Variants in CDH12 observed in about 807,000 individuals in gnomAD.
CDH12 encodes cadherin 12.
In CDH12, 41 loss-of-function variants were observed where a neutral mutation model predicts 74.1. That is an observed-to-expected ratio of 0.55 (90% CI 0.43 to 0.72). CDH12 has a LOEUF of 0.72. Ranked by LOEUF, CDH12 falls within the 30% of genes least tolerant of loss-of-function variation. CDH12 has a pLI of 0.00. For synonymous variants in CDH12, 399 were observed against 355.0 expected (o/e 1.12, Z -1.39); for missense variants, 945 against 977.2 (o/e 0.97, Z 0.44).
chr5:22,191,162 T>G (rs935311448), intron 4 of CDH12, among the ~76,000 whole-genome samples: 11 of 152,018 alleles, frequency 7.2e-5, no homozygotes, highest in Admixed American at 1.3e-4. Flanking sequence ...ACGCTTCCCT[T>G]TGCCTAGAAC....
intron 2 of CDH12, among the ~76,000 whole-genome samples, chr5:22,420,544 G>A (rs111395092): frequency 0.011 from 1,747 of 152,114 alleles, 26 homozygotes; most frequent in African/African-American, 0.04. Context: ...GTCTGTTTTT[G>A]TACCAGCACC....
intron 3 of CDH12, among the ~76,000 whole-genome samples, chr5:22,388,492 A>T (rs1742096718): frequency 6.6e-6 from 1 of 152,130 alleles, no homozygotes; most frequent in Non-Finnish European, 1.5e-5. Context: ...TCATATTAAG[A>T]CCTAACAAGG....
At chr5:22,136,243 T>C (rs1449986850) in intron 4 of CDH12, among the ~76,000 whole-genome samples, 1 of 151,786 alleles carries the variant, frequency 6.6e-6, no homozygotes, top group Non-Finnish European at 1.5e-5. Flanking sequence ...TCAACAAACA[T>C]TTTGGAAGGT....
At chr5:22,682,165 G>A (rs182238484) in intron 1 of CDH12, among the ~76,000 whole-genome samples, 1 of 152,036 alleles carries the variant, frequency 6.6e-6, no homozygotes, top group African/African-American at 2.4e-5. Flanking sequence ...GCTAGAACTT[G>A]TTCAATAGGA....
At chr5:22,124,389 G>T (rs1307366212) in intron 4 of CDH12, among the ~76,000 whole-genome samples, 1 of 152,098 alleles carries the variant, frequency 6.6e-6, no homozygotes, top group Non-Finnish European at 1.5e-5. Flanking sequence ...CTCCCAAAGT[G>T]CTGGGATTAC....
chr5:22,639,094 C>G (rs1739001684), intron 1 of CDH12: 1 of 133,298 alleles, frequency 7.5e-6, no homozygotes, highest in Non-Finnish European at 1.6e-5. Flanking sequence ...AAAAAGAATG[C>G]CTGGAGAAGC....
At chr5:22,498,599 C>G (rs1329061494) in intron 2 of CDH12, among the ~76,000 whole-genome samples, 1 of 151,672 alleles carries the variant, frequency 6.6e-6, no homozygotes, top group African/African-American at 2.4e-5. Context: ...TGTCTGTTTA[C>G]AAACATATTT....
chr5:22,483,748 C>CTATATATATATATATATATA (rs573933210), intron 2 of CDH12, among the ~76,000 whole-genome samples: 490 of 22,708 alleles, frequency 0.022, 154 homozygotes, highest in South Asian at 0.047. Context: ...TCTTTCAAAA[C>CTATATATATATATATATATA]TATATATATA....
intron 3 of CDH12, among the ~76,000 whole-genome samples, chr5:22,259,086 C>T (rs141701275): frequency 6.6e-6 from 1 of 152,188 alleles, no homozygotes; most frequent in Admixed American, 6.5e-5. Context: ...TTTATACCAA[C>T]AGCATAAATT....
chr5:21,814,496 G>A (rs1290478342), intron 9 of CDH12, among the ~76,000 whole-genome samples: 2 of 151,444 alleles, frequency 1.3e-5, no homozygotes, highest in African/African-American at 4.8e-5. Flanking sequence ...TTTTTCAACT[G>A]TTTTAAAAAT....
At chr5:21,753,343 C>T (rs939465663) in intron 14 of CDH12, among the ~76,000 whole-genome samples, 10 of 152,240 alleles carry the variant, frequency 6.6e-5, no homozygotes, top group East Asian at 1.9e-4. Context: ...CCTTGGGAGA[C>T]GTTTAGCACC....
intron 1 of CDH12, among the ~76,000 whole-genome samples, chr5:22,509,644 T>A (rs999461810): frequency 6.6e-6 from 1 of 152,126 alleles, no homozygotes; most frequent in Non-Finnish European, 1.5e-5. Flanking sequence ...GAACTAATAA[T>A]GAGCTGCTTA....
intron 5 of CDH12, among the ~76,000 whole-genome samples, chr5:22,034,995 G>A (rs543574256): frequency 4.1e-4 from 63 of 152,242 alleles, no homozygotes; most frequent in Admixed American, 1.4e-3. Context: ...TCTCATCAAC[G>A]TTATAATGAA....
At chr5:22,756,098 GAAAAAAAA>G (rs60067455) in intron 1 of CDH12, among the ~76,000 whole-genome samples, 2 of 87,338 alleles carry the variant, frequency 2.3e-5, no homozygotes, top group Admixed American at 2.7e-4. Flanking sequence ...TTCAAGGACC[GAAAAAAAA>G]AAAAAAAAAA....
intron 1 of CDH12, among the ~76,000 whole-genome samples, chr5:22,840,180 G>T (rs951691641): frequency 6.6e-6 from 1 of 152,272 alleles, no homozygotes; most frequent in East Asian, 1.9e-4. Flanking sequence ...GAGTGCGGTT[G>T]CACGATCTTG....
chr5:22,652,179 G>A (rs1009284281), intron 1 of CDH12, among the ~76,000 whole-genome samples: 1 of 152,146 alleles, frequency 6.6e-6, no homozygotes, highest in South Asian at 2.1e-4. Flanking sequence ...CAGTGTAACA[G>A]TGTAGTGAGG....
chr5:22,576,304 A>G (rs1739784461), intron 1 of CDH12, among the ~76,000 whole-genome samples: 1 of 152,074 alleles, frequency 6.6e-6, no homozygotes, highest in Admixed American at 6.6e-5. Flanking sequence ...CCACAGAGCC[A>G]CTCTGCACAT....
intron 3 of CDH12, among the ~76,000 whole-genome samples, chr5:22,333,285 G>A (rs1476331739): frequency 3.3e-5 from 5 of 151,880 alleles, no homozygotes; most frequent in African/African-American, 7.3e-5. Context: ...TGGACACAAC[G>A]AGGGTAACAA....
chr5:21,927,064 A>T (rs1393296145), intron 6 of CDH12, among the ~76,000 whole-genome samples: 1 of 152,236 alleles, frequency 6.6e-6, no homozygotes, highest in Non-Finnish European at 1.5e-5. Context: ...ATAGCAAACA[A>T]GTCAGCATGG....
Sources: gnomAD v4.1 joint callset for allele counts (sites outside exome capture counted in the v4.1 genomes callset) on GRCh38, gnomAD v4.1.1 for gene constraint, MANE v1.5 for transcripts, NCBI Gene and HGNC (gene_info 2026-07-23, HGNC 2026-07-21) for gene names.